Variants in TNRC6C observed in about 807,000 individuals in gnomAD.
TNRC6C encodes the protein trinucleotide repeat-containing gene 6C protein.
In TNRC6C, 20 loss-of-function variants were observed where a neutral mutation model predicts 153.7. The ratio of observed to expected loss-of-function variants is 0.13; its 90% confidence interval spans 0.09 to 0.19. The LOEUF is 0.19. Ranked by LOEUF, TNRC6C falls within the 10% of genes least tolerant of loss-of-function variation. The probability of loss-of-function intolerance (pLI) is 1.00; values close to 1 mark genes in which losing one functional copy is unlikely to be tolerated. For missense variants in TNRC6C, 1,987 were observed against 2,172.0 expected (o/e 0.91, Z 1.69); for synonymous variants, 811 against 841.4 (o/e 0.96, Z 0.63).
At position 77,976,989 on chromosome 17, in the gene TNRC6C, G is replaced by A. The variant is rs149908653; in HGVS notation, c.-38+17721G>A. Among the ~76,000 whole-genome samples the A allele has an allele frequency of 2.7e-4, 37 of 137,472 alleles. No homozygotes were observed. In the East Asian group the frequency reaches 7.3e-3, roughly 27 times the overall value. 90.2% of individuals were successfully genotyped at this position (137,472 alleles called of 152,430 possible). A position where few individuals can be genotyped will look rare whatever the true frequency, so the allele number is the denominator to read the frequency against. On this transcript the variant is annotated intron_variant, in intron 1 of 22. Transcript: ENST00000636222. ...GGTTTCCCCTTCATTTTACAGGTATGTTAAAGAGGAAAAAAATAGAATGCT... is the reference window on the plus strand; with the variant it reads ...GGTTTCCCCTTCATTTTACAGGTATATTAAAGAGGAAAAAAATAGAATGCT...
At chr17:78,046,935 T>G (rs1013004428) in intron 2 of TNRC6C, among the ~76,000 whole-genome samples, 1 of 152,154 alleles carries the variant, frequency 6.6e-6, no homozygotes, top group Non-Finnish European at 1.5e-5. Flanking sequence ...AAAGGGCAGA[T>G]CATTTTACAG....
At chr17:78,031,297 T>A (rs79390211) in intron 1 of TNRC6C, among the ~76,000 whole-genome samples, 8,709 of 152,016 alleles carry the variant, frequency 0.057, 599 homozygotes, top group African/African-American at 0.17. Context: ...AGATGAGGAA[T>A]CCAAGGCCCA....
At chr17:78,030,485 G>A (rs578258331) in intron 1 of TNRC6C, among the ~76,000 whole-genome samples, 13 of 152,236 alleles carry the variant, frequency 8.5e-5, no homozygotes, top group South Asian at 4.1e-4. Flanking sequence ...CCACAAACAC[G>A]TGAGTAATGT....
intron 5 of TNRC6C, among the ~76,000 whole-genome samples, chr17:78,068,895 C>G (rs72894087): frequency 0.1 from 15,413 of 152,068 alleles, 859 homozygotes; most frequent in East Asian, 0.18. Flanking sequence ...TCATTTTTTT[C>G]TAGATGACTG....
At chr17:77,974,824 A>C (rs1229601505) in intron 1 of TNRC6C, among the ~76,000 whole-genome samples, 1 of 152,252 alleles carries the variant, frequency 6.6e-6, no homozygotes, top group East Asian at 1.9e-4. Flanking sequence ...GAGTTCACCG[A>C]GGAGAAAACA....
intron 1 of TNRC6C, among the ~76,000 whole-genome samples, chr17:77,980,331 A>G (rs2071056957): frequency 1.3e-5 from 2 of 152,188 alleles, no homozygotes; most frequent in South Asian, 4.1e-4. Context: ...GCTGGAAGAG[A>G]GTTCTGATGG....
chr17:78,028,867 T>C (rs2071999866), intron 1 of TNRC6C, among the ~76,000 whole-genome samples: 1 of 152,168 alleles, frequency 6.6e-6, no homozygotes, highest in Non-Finnish European at 1.5e-5. Flanking sequence ...AGATGTAATG[T>C]CCTGGATAAT....
At chr17:78,093,953 A>G (rs1457796698) in intron 16 of TNRC6C, among the ~76,000 whole-genome samples, 190 bp downstream of exon 18, 3 of 150,772 alleles carry the variant, frequency 2.0e-5, no homozygotes, top group Non-Finnish European at 3.0e-5. Context: ...AATCAATTTG[A>G]GTTTCTGCTG....
intron 5 of TNRC6C, 130 bp downstream of exon 7, chr17:78,068,053 C>A (rs1184312226): frequency 2.8e-6 from 3 of 1,063,286 alleles, no homozygotes; most frequent in Non-Finnish European, 2.6e-6. Context: ...CCTTGGAGGT[C>A]CCAGAGACCC....
chr17:78,037,023 A>G (rs975223790), intron 2 of TNRC6C, among the ~76,000 whole-genome samples: 4 of 152,132 alleles, frequency 2.6e-5, no homozygotes. Flanking sequence ...TCCTAACGAG[A>G]TGTAAATAGT....
chr17:78,014,419 T>C (rs183403698), intron 1 of TNRC6C, among the ~76,000 whole-genome samples: 14 of 152,276 alleles, frequency 9.2e-5, no homozygotes, highest in Non-Finnish European at 1.3e-4. Context: ...CTTTAACATA[T>C]GCTCTTAGCG....
At chr17:78,009,666 T>A (rs1158570810) in intron 1 of TNRC6C, among the ~76,000 whole-genome samples, 1 of 152,088 alleles carries the variant, frequency 6.6e-6, no homozygotes, top group Non-Finnish European at 1.5e-5. Context: ...GCAATTCTGC[T>A]GCCTCAGCCT....
upstream of TNRC6C, among the ~76,000 whole-genome samples, chr17:77,958,020 G>A (rs929852149): frequency 5.9e-5 from 9 of 152,108 alleles, no homozygotes; most frequent in Non-Finnish European, 1.2e-4. Context: ...TCCCTGGGGA[G>A]CGACTGAGCG....
chr17:78,064,570 T>C (rs920024532), intron 3 of TNRC6C, among the ~76,000 whole-genome samples, 152 bp from the exon 6 acceptor site: 1 of 152,248 alleles, frequency 6.6e-6, no homozygotes, highest in African/African-American at 2.4e-5. Context: ...TCTGATTACA[T>C]GTAATACATT....
chr17:78,069,234 A>G (rs887411622), intron 5 of TNRC6C, among the ~76,000 whole-genome samples: 2 of 152,132 alleles, frequency 1.3e-5, no homozygotes, highest in Non-Finnish European at 2.9e-5. Flanking sequence ...CCAGAAACCC[A>G]GTAGAAAAAG....
chr17:78,020,231 C>T (rs1277876371), intron 1 of TNRC6C, among the ~76,000 whole-genome samples: 1 of 152,212 alleles, frequency 6.6e-6, no homozygotes, highest in Non-Finnish European at 1.5e-5. Context: ...CCAGCCATAG[C>T]ATTAGCATTG....
intron 1 of TNRC6C, among the ~76,000 whole-genome samples, chr17:77,972,010 G>C (rs1401366483): frequency 6.6e-6 from 1 of 152,008 alleles, no homozygotes; most frequent in Non-Finnish European, 1.5e-5. Context: ...TCTACCTTCT[G>C]AATCTAGAGA....
At chr17:78,093,350 G>A in intron 15 of TNRC6C, 1 of 666,482 alleles carries the variant, frequency 1.5e-6, no homozygotes, top group South Asian at 2.0e-5. Context: ...AGGAGTGGAA[G>A]GGGTGGCAGG....
intron 1 of TNRC6C, among the ~76,000 whole-genome samples, chr17:77,962,984 G>T (rs1195268458): frequency 6.6e-6 from 1 of 152,332 alleles, no homozygotes; most frequent in East Asian, 1.9e-4. Flanking sequence ...TTTGTAGGGG[G>T]TAGATTGTAC....
Sources: gnomAD v4.1 joint callset for allele counts (sites outside exome capture counted in the v4.1 genomes callset) on GRCh38, gnomAD v4.1.1 for gene constraint, MANE v1.5 for transcripts, NCBI Gene and HGNC (gene_info 2026-07-23, HGNC 2026-07-21) for gene names.